CSF1: variants seen among roughly 807,000 people sequenced by gnomAD.
CSF1 encodes the protein colony stimulating factor 1.
Under a neutral mutation model 48.9 loss-of-function variants are expected in CSF1, and 9 were observed. The ratio of observed to expected loss-of-function variants is 0.18; its 90% CI spans 0.11 to 0.32. The LOEUF is 0.32. Ranked by LOEUF, CSF1 falls within the 10% of genes least tolerant of loss-of-function variation. The pLI is 1.00. For missense variants in CSF1, 672 were observed against 697.9 expected (o/e 0.96, Z 0.42); for synonymous variants, 305 against 284.1 (o/e 1.07, Z -0.74).
At chr1:109,921,075 GTT>G (rs1647511079) in intron 4 of CSF1, among the ~76,000 whole-genome samples, 1 of 151,918 alleles carries the variant, frequency 6.6e-6, no homozygotes, top group African/African-American at 2.4e-5. Context: ...CGGCTGCCCC[GTT>G]CCCTTCTCCA....
At chr1:109,920,539 G>A (rs984822887) in intron 4 of CSF1, among the ~76,000 whole-genome samples, 1 of 152,038 alleles carries the variant, frequency 6.6e-6, no homozygotes, top group Non-Finnish European at 1.5e-5. Context: ...GGCTGATCTC[G>A]AACTCCTGAC....
chr1:109,921,351 T>C (rs1193610509), intron 4 of CSF1, among the ~76,000 whole-genome samples: 1 of 152,252 alleles, frequency 6.6e-6, no homozygotes, highest in Non-Finnish European at 1.5e-5. Context: ...TCAGGACTTT[T>C]GCACGGTCTG....
chr1:109,915,522 T>A, intron 2 of CSF1, 112 bp from the exon 3 acceptor site: 2 of 859,556 alleles, frequency 2.3e-6, no homozygotes, highest in Non-Finnish European at 3.9e-6. Flanking sequence ...TTGGCAGGGA[T>A]GAAGTTCAAA....
intron 8 of CSF1, chr1:109,926,514 G>A (rs923546177): frequency 4.6e-5 from 7 of 152,266 alleles, no homozygotes; most frequent in Admixed American, 4.6e-4. Context: ...GCACATTGAT[G>A]AGTGCCTGCT....
At position 109,914,262 on chromosome 1, in the gene CSF1, T is replaced by A. The variant is rs1654801605; in HGVS notation, c.43T>A (p.Trp15Arg). The A allele has an allele frequency of 3.1e-6, 5 of 1,603,564 alleles. No individual in the cohort carries two copies. In the South Asian group the frequency reaches 4.5e-5, roughly 14 times the overall value. The change falls in exon 2 of 9, where the codon TGG becomes AGG. Residue 15 changes from tryptophan (W) to arginine (R), a missense_variant. By Grantham distance (101) the Trp-to-Arg change is moderately radical. Transcript: ENST00000329608. ...AATGACACCCTCTCTGTCACAGACA[T>A]GGCTGGGCTCCCTGCTGTTGTTGGT... The part of the protein sequence containing the change: ...GAAGRCPPTT[W>R]LGSLLLLVCL...
In CSF1 at chr1:109,923,233, T is replaced by C. The variant is rs1321679954; in HGVS notation, c.612T>C (p.Ser204=). Residue 204 remains serine, a synonymous_variant, in exon 6 of 9, where the codon TCT becomes TCC. Coordinates refer to ENST00000329608, the MANE Select transcript of CSF1 (RefSeq NM_000757.6). ...PKAIPSSDPA[S]VSPHQPLAPS... is the part of the protein sequence containing the mutation. The stretch of plus-strand genomic sequence containing the variant: ...CCATCCCTAGCAGTGACCCGGCCTC[T>C]GTCTCCCCTCATCAGCCCCTCGCCC... 1.3e-6 allele frequency: 2 copies of C among 1,572,850 alleles called. No individual in the cohort carries two copies. The highest frequency in any genetic ancestry group is 1.9e-5 in the Admixed American group (1 of 53,146).
chr1:109,927,672 C>T (rs753373725), intron 8 of CSF1, among the ~76,000 whole-genome samples: 1 of 152,186 alleles, frequency 6.6e-6, no homozygotes, highest in Non-Finnish European at 1.5e-5. Context: ...CCCACTTGGC[C>T]CGGCAGGTCC....
At chr1:109,917,714 G>C (rs920306528) in intron 4 of CSF1, among the ~76,000 whole-genome samples, 4 of 152,168 alleles carry the variant, frequency 2.6e-5, no homozygotes, top group African/African-American at 9.7e-5. Flanking sequence ...AAGTGAGCTT[G>C]GCAGCTGTTA....
At chr1:109,927,436 C>T (rs1264554437) in intron 8 of CSF1, among the ~76,000 whole-genome samples, 1 of 152,172 alleles carries the variant, frequency 6.6e-6, no homozygotes, top group African/African-American at 2.4e-5. Context: ...TGTGAAATGA[C>T]CCAGGCCTCC....
At chr1:109,922,107 C>A in intron 5 of CSF1, 113 bp downstream of exon 5, 3 of 1,230,402 alleles carry the variant, frequency 2.4e-6, no homozygotes, top group African/African-American at 1.5e-5. Flanking sequence ...GGCTGCTACT[C>A]GTGTTCCCGT....
chr1:109,924,646 C>T, intron 6 of CSF1, 130 bp from the exon 7 acceptor site: 1 of 787,874 alleles, frequency 1.3e-6, no homozygotes. Context: ...TGGCTGATCC[C>T]CACTTTTGGG....
chr1:109,921,721 G>C, intron 4 of CSF1, 126 bp from the exon 5 acceptor site: 1 of 1,219,604 alleles, frequency 8.2e-7, no homozygotes, highest in South Asian at 1.8e-5. Flanking sequence ...CCAGGGGAAA[G>C]GGGAGCAAGG....
rs1461397869 is a variant in CSF1 at position 109,923,809 on chromosome 1, C to G, written c.1188C>G (p.Asp396Glu). ...ACCATCCATCTGCCCTGCTCAGAGA[C>G]CCCCCGGAGCCAGGCTCTCCCAGGA... is the stretch of plus-strand genomic sequence containing the variant. Reference protein sequence around the residue: ...KTDHPSALLRDPPEPGSPRIS... With the variant: ...KTDHPSALLREPPEPGSPRIS... Residue 396 changes from aspartate (D) to glutamate (E), a missense_variant, in exon 6 of 9, where the codon GAC becomes GAG. Physicochemically the swap from Asp to Glu is conservative, Grantham distance 45. Transcript: ENST00000329608. 11 of 1,610,146 alleles carry G rather than the reference C, an allele frequency of 6.8e-6. No individual in the cohort carries two copies. Among genetic ancestry groups the G allele is most frequent in the Non-Finnish European group, 9.3e-6 (11 of 1,178,260 alleles).
intron 5 of CSF1, 86 bp downstream of exon 5, chr1:109,922,080 C>T: frequency 6.8e-7 from 1 of 1,476,006 alleles, no homozygotes; most frequent in Non-Finnish European, 9.1e-7. Flanking sequence ...CTGGGGGGAC[C>T]CCTGGGGAGG....
chr1:109,912,806 C>A (rs114399021), intron 1 of CSF1, among the ~76,000 whole-genome samples: 3 of 152,152 alleles, frequency 2.0e-5, no homozygotes, highest in African/African-American at 7.2e-5. Flanking sequence ...AGTACCTGGG[C>A]CATTATTCCC....
intron 8 of CSF1, among the ~76,000 whole-genome samples, chr1:109,927,593 C>T (rs559506185): frequency 1.6e-4 from 25 of 152,322 alleles, no homozygotes; most frequent in Admixed American, 4.6e-4. Flanking sequence ...CAGGCCCGTC[C>T]CAAGCTTTCC....
Position 109,917,374 on chromosome 1 carries a change from A to G in CSF1, c.307A>G (p.Thr103Ala). Residue 103 changes from threonine to alanine, a missense_variant, in exon 4 of 9, where the codon ACC becomes GCC. By Grantham distance (58) the Thr-to-Ala change is moderately conservative. This residue lies in a region of CSF1 where 591 missense variants were observed against 593.6 expected (regional missense o/e 1.00). Coordinates refer to ENST00000329608, the MANE Select transcript of CSF1 (RefSeq NM_000757.6). ...GGACACCATGCGCTTCAGAGATAAC[A>G]CCCCCAATGCCATCGCCATTGTGCA... Reference protein sequence around the residue: ...MEDTMRFRDNTPNAIAIVQLQ... With the variant: ...MEDTMRFRDNAPNAIAIVQLQ... 1 of 1,613,942 alleles carries G rather than the reference A, an allele frequency of 6.2e-7. No homozygotes were observed. The highest frequency in any genetic ancestry group is 8.5e-7 in the Non-Finnish European group (1 of 1,179,990).
intron 5 of CSF1, 30 bp from the exon 6 acceptor site, chr1:109,923,136 T>C: frequency 6.7e-7 from 1 of 1,501,294 alleles, no homozygotes; most frequent in Non-Finnish European, 8.9e-7. Context: ...TCCCCATCTT[T>C]CTCTCTCCTT....
rs745836935 is a variant in CSF1, at chr1:109,923,437, C to T, written c.816C>T (p.Ser272=). The change falls in exon 6 of 9, where the codon AGC becomes AGT. Residue 272 remains serine (S), a synonymous_variant. Coordinates refer to ENST00000329608, the MANE Select transcript of CSF1 (RefSeq NM_000757.6). ...EPPETPVVKD[S]TIGGSPQPRP... ...CAGAGACCCCAGTTGTCAAGGACAG[C>T]ACCATCGGTGGCTCACCACAGCCTC... 1 of 1,614,008 alleles carries T rather than the reference C, an allele frequency of 6.2e-7. No individual in the cohort carries two copies. The highest frequency in any genetic ancestry group is 8.5e-7 in the Non-Finnish European group (1 of 1,180,032).
Sources: allele counts gnomAD v4.1 joint callset (sites outside exome capture counted in the v4.1 genomes callset), GRCh38; gene constraint gnomAD v4.1.1; regional missense constraint gnomAD v4.1.1; transcripts MANE v1.5; gene names NCBI Gene and HGNC (gene_info 2026-07-23, HGNC 2026-07-21).